NUP93: variants seen among roughly 807,000 people sequenced by gnomAD.
NUP93 encodes nuclear pore complex protein Nup93.
Under a neutral mutation model 107.8 loss-of-function variants are expected in NUP93, and 55 were observed. That is an observed-to-expected ratio of 0.51 (90% CI 0.41 to 0.64). The LOEUF (loss-of-function observed/expected upper bound fraction) is 0.64, where lower values mean the gene tolerates loss of function less well. Among genes scored for constraint, NUP93 ranks in the 30% least tolerant of loss-of-function variants. The pLI, the probability that NUP93 is intolerant of heterozygous loss-of-function variation, is 0.00. For missense variants in NUP93, 937 were observed against 1,044.7 expected, an observed-to-expected ratio of 0.90 and a Z score of 1.42; for synonymous variants, 390 against 397.5, an observed-to-expected ratio of 0.98 and a Z score of 0.22.
intron 4 of NUP93, among the ~76,000 whole-genome samples, chr16:56,798,815 G>A (rs976813810): frequency 2.0e-5 from 3 of 151,124 alleles, no homozygotes; most frequent in Admixed American, 6.6e-5. Context: ...TGAGTGAGCC[G>A]AGTCGCGCCA....
Position 56,815,902 on chromosome 16 carries a change from C to CTGG in NUP93, c.490-2760_490-2759insGTG, listed in dbSNP as rs1555495762. 1.1e-4 allele frequency among the ~76,000 whole-genome samples: 15 copies of CTGG among 133,194 alleles called. No individual in the cohort carries two copies. The East Asian group carries it at 2.3e-3, about 21-fold the overall frequency. 87.4% of individuals were successfully genotyped at this position (133,194 alleles called of 152,430 possible). A position where few individuals can be genotyped will look rare whatever the true frequency, so the allele number is the denominator to read the frequency against. On this transcript the variant is annotated intron_variant, in intron 5 of 21. Transcript: ENST00000308159. Reference sequence around the variant, plus strand: ...GCTGCTGCTGCTGCTGCTGCTGGTGCTGCTGCTGCTGCTGGTGCTGCTGCT... The same window carrying CTGG: ...GCTGCTGCTGCTGCTGCTGCTGGTGCTGGTGCTGCTGCTGCTGGTGCTGCTGCT...
chr16:56,777,049 T>C (rs749141951), intron 3 of NUP93, among the ~76,000 whole-genome samples: 4 of 152,210 alleles, frequency 2.6e-5, no homozygotes, highest in Non-Finnish European at 5.9e-5. Context: ...CACGTGTGTG[T>C]GTGTGACAGA....
intron 5 of NUP93, among the ~76,000 whole-genome samples, chr16:56,816,234 A>G (rs1319335073): frequency 6.6e-6 from 1 of 152,268 alleles, no homozygotes; most frequent in Non-Finnish European, 1.5e-5. Context: ...GTGTTGGCAC[A>G]TAGTAAGTGC....
chr16:56,845,150 A>G lies in NUP93; in HGVS notation c.*541A>G, dbSNP rs113889225. 7.6e-3 allele frequency: 1,393 copies of G among 183,146 alleles called. 18 individuals carry two copies. Among genetic ancestry groups the G allele is most frequent in the African/African-American group, 0.03 (1,301 of 42,698 alleles). 11.3% of individuals were successfully genotyped at this position (183,146 alleles called of 1,614,324 possible). A position where few individuals can be genotyped will look rare whatever the true frequency, so the allele number is the denominator to read the frequency against. ...CAGATGGTCCAAGACCATCCCCCAA[A>G]TCATCAGCTCTGATTGCAGGATTCA... On this transcript the variant is annotated 3_prime_UTR_variant, in exon 22 of 22. Coordinates refer to ENST00000308159, the MANE Select transcript of NUP93 (RefSeq NM_014669.5).
intron 3 of NUP93, among the ~76,000 whole-genome samples, chr16:56,760,978 C>T (rs1261246114): frequency 7.2e-5 from 11 of 151,776 alleles, no homozygotes; most frequent in Admixed American, 5.9e-4. Flanking sequence ...CAAAAAAAAA[C>T]CCAGAAACAA....
chr16:56,738,111 G>A (rs1961641708), intron 1 of NUP93, among the ~76,000 whole-genome samples: 2 of 152,304 alleles, frequency 1.3e-5, no homozygotes, highest in South Asian at 4.1e-4. Flanking sequence ...TAAGTTTAAA[G>A]ACCGAATTAA....
chr16:56,822,526 A>G (rs1258281368), intron 7 of NUP93, among the ~76,000 whole-genome samples: 3 of 150,392 alleles, frequency 2.0e-5, no homozygotes, highest in African/African-American at 7.3e-5. Context: ...AAAAAAAAAA[A>G]AAAAGTAACT....
At chr16:56,792,832 A>AT (rs201940657) in intron 3 of NUP93, among the ~76,000 whole-genome samples, 10 of 151,962 alleles carry the variant, frequency 6.6e-5, no homozygotes, top group Admixed American at 6.6e-5. Context: ...AGAGAGAGAA[A>AT]TTTTTTTTTA....
At chr16:56,839,493 ACATGGG>A (rs1318106824) in intron 19 of NUP93, 22 bp from the exon 20 acceptor site, 1 of 1,573,558 alleles carries the variant, frequency 6.4e-7, no homozygotes, top group Admixed American at 1.8e-5. Flanking sequence ...TGGTTGTGTT[ACATGGG>A]GCCGGTGGTT....
Position 56,831,869 on chromosome 16 carries a change from C to G in NUP93, c.1113C>G (p.Leu371=). Residue 371 remains leucine (L), a synonymous_variant, in exon 11 of 22, where the codon CTC becomes CTG. Transcript: ENST00000308159. ...RRLSPATENK[L]RLHYRRALRN... ...TGTCCCCAGCTACGGAAAACAAGCT[C>G]CGGCTGCATTACCGTAGGGCCCTCA... The G allele has an allele frequency of 6.2e-7, 1 of 1,614,096 alleles. No homozygotes were observed. The highest frequency in any genetic ancestry group is 8.5e-7 in the Non-Finnish European group (1 of 1,180,000).
intron 3 of NUP93, among the ~76,000 whole-genome samples, chr16:56,793,072 A>G (rs760546733): frequency 2.0e-5 from 3 of 152,202 alleles, no homozygotes; most frequent in Non-Finnish European, 2.9e-5. Flanking sequence ...AGGATTAGCA[A>G]TAATGTCTTT....
intron 3 of NUP93, among the ~76,000 whole-genome samples, chr16:56,776,502 A>G (rs553260124): frequency 6.6e-6 from 1 of 152,362 alleles, no homozygotes; most frequent in African/African-American, 2.4e-5. Flanking sequence ...CCTTGGGACA[A>G]TGTTCAGCTT....
At chr16:56,843,086 G>A (rs1423267705) in intron 21 of NUP93, among the ~76,000 whole-genome samples, 2 of 152,192 alleles carry the variant, frequency 1.3e-5, no homozygotes, top group Non-Finnish European at 2.9e-5. Context: ...CTTTAGGAAT[G>A]TGGGTAACAG....
rs1961658022 is a variant in NUP93 at position 56,738,993 on chromosome 16, G to A, written c.-15+8782G>A. On this transcript the variant is annotated intron_variant, in intron 1 of 21. Coordinates refer to ENST00000308159, the MANE Select transcript of NUP93 (RefSeq NM_014669.5). ...CCCTTAATCCATTTAATCCTGAGTG[G>A]ACAACACAGCACATGTTTCAGAGAG... Among the ~76,000 whole-genome samples, 8 of 147,746 alleles carry A rather than the reference G, an allele frequency of 5.4e-5. No homozygotes were observed. In the South Asian group the frequency reaches 1.7e-3, roughly 32 times the overall value.
In NUP93 at chr16:56,834,414, T is replaced by A. The variant is rs1351580598; in HGVS notation, c.1709T>A (p.Val570Glu). ...GGAGAAAACATGTTTCTGCGCTGTG[T>A]GAGTGAGCTTGTGATTGAAAGCCGA... ...SQGENMFLRCVSELVIESREF... is the reference protein window; with the variant it reads ...SQGENMFLRCESELVIESREF... Residue 570 changes from valine (V) to glutamate (E), a missense_variant, in exon 15 of 22, where the codon GTG (valine) becomes GAG (glutamate). Val to Glu is a moderately radical substitution (Grantham distance 121). Coordinates refer to ENST00000308159, the MANE Select transcript of NUP93 (RefSeq NM_014669.5). The A allele has an allele frequency of 6.2e-7, 1 of 1,614,258 alleles. No individual in the cohort carries two copies. Among genetic ancestry groups the A allele is most frequent in the Non-Finnish European group, 8.5e-7 (1 of 1,180,046 alleles).
intron 3 of NUP93, among the ~76,000 whole-genome samples, chr16:56,794,608 G>T (rs1962849423): frequency 6.7e-6 from 1 of 148,226 alleles, no homozygotes; most frequent in South Asian, 2.2e-4. Flanking sequence ...GAGAGAGAGA[G>T]AGAGATGTGA....
chr16:56,781,842 GT>G (rs1962520878), intron 3 of NUP93: 1 of 985,158 alleles, frequency 1.0e-6, no homozygotes, highest in South Asian at 4.7e-5. Context: ...ACTCCCATCA[GT>G]TTGTGCTTTC....
rs115704888 is a variant in NUP93, at chr16:56,822,933, C to T, written c.655-774C>T. ...TAATTTTTGAGACAGACCATGAAAACAGGCTTTTCTCTTTTGCTTTGGAAC... is the reference window on the plus strand; with the variant it reads ...TAATTTTTGAGACAGACCATGAAAATAGGCTTTTCTCTTTTGCTTTGGAAC... On this transcript the variant is annotated intron_variant, in intron 7 of 21. Coordinates refer to ENST00000308159, the MANE Select transcript of NUP93 (RefSeq NM_014669.5). Among the ~76,000 whole-genome samples the T allele has an allele frequency of 8.4e-3, 1,278 of 152,284 alleles. 11 individuals carry two copies. Among genetic ancestry groups the T allele is most frequent in the African/African-American group, 0.027 (1,104 of 41,550 alleles).
intron 7 of NUP93, 98 bp downstream of exon 7, chr16:56,821,691 C>T: frequency 1.4e-6 from 1 of 696,908 alleles, no homozygotes; most frequent in South Asian, 1.8e-5. Context: ...GGAGACACGC[C>T]ATTCTGTGGA....
Sources: gnomAD v4.1 joint callset for allele counts (sites outside exome capture counted in the v4.1 genomes callset) on GRCh38, gnomAD v4.1.1 for gene constraint, MANE v1.5 for transcripts, NCBI Gene and HGNC (gene_info 2026-07-23, HGNC 2026-07-21) for gene names.